ICOS: variants seen among roughly 807,000 people sequenced by gnomAD.
ICOS encodes the protein inducible T-cell costimulator.
Under a neutral mutation model 24.6 loss-of-function variants are expected in ICOS, and 15 were observed. That is an observed-to-expected ratio of 0.61 (90% CI 0.41 to 0.94). The LOEUF is 0.94. Among genes scored for constraint, ICOS ranks in the 40% least tolerant of loss-of-function variants. The probability of loss-of-function intolerance (pLI) is 0.00; values close to 1 mark genes in which losing one functional copy is unlikely to be tolerated. For synonymous variants in ICOS, 89 were observed against 77.5 expected (o/e 1.15, Z -0.78); for missense variants, 200 against 233.0 (o/e 0.86, Z 0.92).
Position 203,959,870 on chromosome 2 carries a change from C to G in ICOS, c.*271C>G. The stretch of plus-strand genomic sequence containing the variant: ...CCTGTGTGCTCACTGGGAGTGGAAT[C>G]CCTGTCTCCACATCTGCTCCTAGCA... On this transcript the variant is annotated 3_prime_UTR_variant, in exon 5 of 5. Coordinates refer to ENST00000316386, the MANE Select transcript of ICOS (RefSeq NM_012092.4). 5 of 556,764 alleles carry G rather than the reference C, an allele frequency of 9.0e-6. No individual in the cohort carries two copies. Among genetic ancestry groups the G allele is most frequent in the Non-Finnish European group, 1.6e-5 (5 of 308,794 alleles). The allele number at this position is 556,764 out of a possible 1,614,324, so 34.5% of individuals were successfully genotyped here.
chr2:203,936,968 G>C, intron 1 of ICOS, 96 bp downstream of exon 1: 1 of 939,720 alleles, frequency 1.1e-6, no homozygotes, highest in Non-Finnish European at 1.7e-6. Context: ...AAAGACAGTG[G>C]TTTTGGTTTT....
intron 1 of ICOS, among the ~76,000 whole-genome samples, chr2:203,943,341 A>G (rs1231166427): frequency 6.6e-6 from 1 of 150,642 alleles, no homozygotes; most frequent in African/African-American, 2.4e-5. Context: ...TTTTTGTCCC[A>G]TGGAGTGTTC....
At chr2:203,950,836 C>T (rs763498985) in intron 1 of ICOS, among the ~76,000 whole-genome samples, 14 of 151,986 alleles carry the variant, frequency 9.2e-5, no homozygotes, top group Admixed American at 2.0e-4. Flanking sequence ...CCAAGGTGGG[C>T]GGATCGTGAG....
chr2:203,951,490 A>G (rs1210884040), intron 1 of ICOS, among the ~76,000 whole-genome samples: 2 of 152,182 alleles, frequency 1.3e-5, no homozygotes, highest in Admixed American at 6.5e-5. Flanking sequence ...GAGCCTTGCT[A>G]GTGGCAGAGC....
rs114670090 is a variant in ICOS at position 203,947,601 on chromosome 2, C to T, written c.59-8035C>T. 5.2e-3 allele frequency among the ~76,000 whole-genome samples: 797 copies of T among 152,232 alleles called. 9 individuals are homozygous for T. The highest frequency in any genetic ancestry group is 0.019 in the African/African-American group (769 of 41,534). On this transcript the variant is annotated intron_variant, in intron 1 of 4. Coordinates refer to ENST00000316386, the MANE Select transcript of ICOS (RefSeq NM_012092.4). The stretch of plus-strand genomic sequence containing the variant: ...GGATTACAGGGCGAGTCACTGCGCC[C>T]GGCCTATAAAAATTATTGTTAGCAG...
intron 1 of ICOS, among the ~76,000 whole-genome samples, chr2:203,937,353 T>C (rs1689672072): frequency 6.6e-6 from 1 of 152,180 alleles, no homozygotes; most frequent in Non-Finnish European, 1.5e-5. Flanking sequence ...CAGGGCACCA[T>C]AGAGTTTTTA....
At chr2:203,945,825 A>G (rs1385055362) in intron 1 of ICOS, among the ~76,000 whole-genome samples, 3 of 152,230 alleles carry the variant, frequency 2.0e-5, no homozygotes, top group Admixed American at 6.5e-5. Flanking sequence ...ATGATGTGTT[A>G]GGGTAAAACC....
intron 1 of ICOS, among the ~76,000 whole-genome samples, chr2:203,953,259 G>A (rs777941672): frequency 6.6e-6 from 1 of 152,140 alleles, no homozygotes; most frequent in African/African-American, 2.4e-5. Context: ...TGAAAGAACA[G>A]CAATGCTTTC....
intron 1 of ICOS, among the ~76,000 whole-genome samples, chr2:203,942,739 G>A (rs560674866): frequency 7.2e-5 from 11 of 151,950 alleles, no homozygotes; most frequent in East Asian, 3.9e-4. Context: ...TTTTTATTTC[G>A]TAGCAAATCT....
intron 1 of ICOS, among the ~76,000 whole-genome samples, chr2:203,950,940 G>A (rs557071401): frequency 6.6e-6 from 1 of 152,154 alleles, no homozygotes; most frequent in East Asian, 1.9e-4. Context: ...TGTGACTGTA[G>A]TCCCAGCTAC....
chr2:203,955,529 C>A, intron 1 of ICOS, 107 bp from the exon 2 acceptor site: 1 of 858,774 alleles, frequency 1.2e-6, no homozygotes, highest in Non-Finnish European at 1.9e-6. Flanking sequence ...TTTGGTGCAA[C>A]AGAGATGACT....
chr2:203,959,117 T>C (rs1355142404), intron 4 of ICOS, among the ~76,000 whole-genome samples: 1 of 152,192 alleles, frequency 6.6e-6, no homozygotes, highest in Non-Finnish European at 1.5e-5. Flanking sequence ...TGGCAACCAC[T>C]GGCTCCATCC....
chr2:203,944,236 C>T (rs533547767), intron 1 of ICOS, among the ~76,000 whole-genome samples: 24 of 152,298 alleles, frequency 1.6e-4, no homozygotes, highest in Admixed American at 1.2e-3. Flanking sequence ...ATACCCTGCT[C>T]CTCTGGCCAC....
chr2:203,952,575 G>C (rs1256989646), intron 1 of ICOS, among the ~76,000 whole-genome samples: 2 of 151,990 alleles, frequency 1.3e-5, no homozygotes, highest in Admixed American at 1.3e-4. Flanking sequence ...AGTGTGACTG[G>C]GTTCTAACTA....
At chr2:203,943,586 G>T (rs1689816257) in intron 1 of ICOS, among the ~76,000 whole-genome samples, 1 of 152,112 alleles carries the variant, frequency 6.6e-6, no homozygotes, top group Non-Finnish European at 1.5e-5. Flanking sequence ...CTCCATGAGG[G>T]CCTTTAGCTT....
intron 1 of ICOS, among the ~76,000 whole-genome samples, chr2:203,947,472 C>T (rs1689893550): frequency 6.6e-6 from 1 of 152,038 alleles, no homozygotes; most frequent in South Asian, 2.1e-4. Context: ...CCACGCCCAG[C>T]TAATTTTTAT....
At chr2:203,943,380 A>G (rs902331318) in intron 1 of ICOS, among the ~76,000 whole-genome samples, 3 of 150,136 alleles carry the variant, frequency 2.0e-5, no homozygotes, top group Non-Finnish European at 4.4e-5. Flanking sequence ...CCCTTTTCCT[A>G]TGTATGTGGC....
At chr2:203,954,520 T>A (rs923567502) in intron 1 of ICOS, among the ~76,000 whole-genome samples, 1 of 152,052 alleles carries the variant, frequency 6.6e-6, no homozygotes, top group African/African-American at 2.4e-5. Flanking sequence ...GTCAAGGAAG[T>A]GGAGGCTACA....
chr2:203,938,062 AG>A (rs1436741346), intron 1 of ICOS, among the ~76,000 whole-genome samples: 1 of 152,258 alleles, frequency 6.6e-6, no homozygotes, highest in Non-Finnish European at 1.5e-5. Flanking sequence ...TACAAGGATG[AG>A]CAAAACCAGG....
Sources: allele counts gnomAD v4.1 joint callset (sites outside exome capture counted in the v4.1 genomes callset), GRCh38; gene constraint gnomAD v4.1.1; transcripts MANE v1.5; gene names NCBI Gene and HGNC (gene_info 2026-07-23, HGNC 2026-07-21).